The following ADAM32 variants were observed in gnomAD, a reference collection of about 807,000 sequenced individuals.
The protein encoded by ADAM32 is disintegrin and metalloproteinase domain-containing protein 32.
A neutral mutation model predicts 114.9 loss-of-function variants in ADAM32; 89 were observed. The ratio of observed to expected loss-of-function variants is 0.77; its 90% CI spans 0.65 to 0.92. The LOEUF (loss-of-function observed/expected upper bound fraction) is 0.92. Ranked by LOEUF, ADAM32 falls within the 40% of genes least tolerant of loss-of-function variation. The probability of loss-of-function intolerance (pLI) is 0.00; values close to 1 mark genes in which losing one functional copy is unlikely to be tolerated. For missense variants in ADAM32, 870 were observed against 932.8 expected (o/e 0.93, Z 0.88); for synonymous variants, 285 against 307.5 (o/e 0.93, Z 0.77).
At chr8:39,277,183 A>T (rs980929727) in intron 22 of ADAM32, among the ~76,000 whole-genome samples, 1 of 152,142 alleles carries the variant, frequency 6.6e-6, no homozygotes, top group Non-Finnish European at 1.5e-5. Flanking sequence ...AACATAATTC[A>T]TCTCTCCCAG....
chr8:39,277,914 G>C (rs1473723401), intron 22 of ADAM32, among the ~76,000 whole-genome samples: 1 of 152,238 alleles, frequency 6.6e-6, no homozygotes, highest in Admixed American at 6.5e-5. Flanking sequence ...TGAGGCGGCT[G>C]ATCTCCACCA....
At chr8:39,193,866 T>G (rs912464371) in intron 11 of ADAM32, among the ~76,000 whole-genome samples, 1 of 152,176 alleles carries the variant, frequency 6.6e-6, no homozygotes, top group African/African-American at 2.4e-5. Context: ...GGAACCTGCT[T>G]CTGTGGAGGA....
intron 2 of ADAM32, among the ~76,000 whole-genome samples, chr8:39,134,839 C>T (rs949413772): frequency 2.6e-5 from 4 of 152,006 alleles, no homozygotes; most frequent in Admixed American, 1.3e-4. Context: ...GAACTGCTTG[C>T]ACATCAAATC....
chr8:39,115,873 T>C (rs1000757635), intron 1 of ADAM32, among the ~76,000 whole-genome samples: 4 of 152,368 alleles, frequency 2.6e-5, no homozygotes, highest in Admixed American at 2.6e-4. Context: ...TTTATAGTTT[T>C]AAGTTGTACA....
At chr8:39,110,557 C>T (rs1440184725) in intron 1 of ADAM32, among the ~76,000 whole-genome samples, 2 of 152,012 alleles carry the variant, frequency 1.3e-5, no homozygotes, top group Admixed American at 1.3e-4. Flanking sequence ...GGGTAAATAC[C>T]AAGAAATGCT....
intron 16 of ADAM32, among the ~76,000 whole-genome samples, chr8:39,244,934 A>T (rs1317765252): frequency 6.6e-6 from 1 of 152,220 alleles, no homozygotes; most frequent in Admixed American, 6.5e-5. Context: ...ACTCTTCTAG[A>T]TATTGTCTTA....
intron 11 of ADAM32, among the ~76,000 whole-genome samples, chr8:39,205,228 G>C (rs1164679435): frequency 1.3e-5 from 2 of 152,228 alleles, no homozygotes; most frequent in African/African-American, 2.4e-5. Context: ...CCCAGAGGTG[G>C]AGTCTACAGA....
intron 3 of ADAM32, among the ~76,000 whole-genome samples, chr8:39,144,033 A>T (rs1429464450): frequency 6.6e-6 from 1 of 152,256 alleles, no homozygotes; most frequent in African/African-American, 2.4e-5. Flanking sequence ...TGAGGCAGAC[A>T]CAGGAGGGTA....
chr8:39,216,682 T>C (rs1414880725), intron 12 of ADAM32, among the ~76,000 whole-genome samples: 1 of 152,066 alleles, frequency 6.6e-6, no homozygotes, highest in Non-Finnish European at 1.5e-5. Context: ...TTTAAGCTGA[T>C]AGCAATTTAA....
At position 39,157,347 on chromosome 8, in the gene ADAM32, G is replaced by A. The variant is rs116468096; in HGVS notation, c.526-3550G>A. 5.2e-3 allele frequency among the ~76,000 whole-genome samples: 789 copies of A among 151,732 alleles called. 2 individuals are homozygous for A. The highest frequency in any genetic ancestry group is 0.018 in the African/African-American group (745 of 41,342). Reference sequence around the variant, plus strand: ...TTCATATATTTCATCAAACTGGGGAGGTTTTCACCCATTATTTTTCAAATT... The same window carrying A: ...TTCATATATTTCATCAAACTGGGGAAGTTTTCACCCATTATTTTTCAAATT... On this transcript the variant is annotated intron_variant, in intron 6 of 24. Transcript: ENST00000379907.
intron 11 of ADAM32, among the ~76,000 whole-genome samples, chr8:39,201,301 G>A (rs966597349): frequency 1.3e-5 from 2 of 152,134 alleles, no homozygotes; most frequent in African/African-American, 4.8e-5. Context: ...TTAGTTCGTT[G>A]AGCAGTGGTT....
intron 10 of ADAM32, among the ~76,000 whole-genome samples, chr8:39,171,182 T>C (rs953865271): frequency 5.3e-5 from 8 of 152,150 alleles, no homozygotes; most frequent in Non-Finnish European, 1.2e-4. Flanking sequence ...GTGATCTGCC[T>C]GCCTCGGTGC....
chr8:39,263,147 GTAA>G (rs1166716368), intron 19 of ADAM32, among the ~76,000 whole-genome samples: 1 of 152,136 alleles, frequency 6.6e-6, no homozygotes, highest in East Asian at 1.9e-4. Flanking sequence ...TGTTCTACAT[GTAA>G]TAATCTGTTT....
intron 1 of ADAM32, among the ~76,000 whole-genome samples, chr8:39,113,100 G>A (rs536727324): frequency 1.3e-5 from 2 of 152,320 alleles, no homozygotes; most frequent in South Asian, 4.1e-4. Context: ...AGGCTTTGCA[G>A]CTTCCTCTCT....
At chr8:39,182,563 A>T (rs568367341) in intron 10 of ADAM32, among the ~76,000 whole-genome samples, 1 of 152,290 alleles carries the variant, frequency 6.6e-6, no homozygotes, top group East Asian at 1.9e-4. Flanking sequence ...ATTTTTCAAG[A>T]ATACAATTTA....
At chr8:39,114,063 T>C (rs1840275522) in intron 1 of ADAM32, among the ~76,000 whole-genome samples, 1 of 152,220 alleles carries the variant, frequency 6.6e-6, no homozygotes, top group Non-Finnish European at 1.5e-5. Context: ...TTCAACGAGC[T>C]AGTTCATTTC....
At chr8:39,123,459 G>A (rs1801909843) in intron 2 of ADAM32, among the ~76,000 whole-genome samples, 2 of 152,014 alleles carry the variant, frequency 1.3e-5, no homozygotes. Flanking sequence ...ATTTGGTCGG[G>A]GGGCACAATT....
chr8:39,207,693 C>G (rs1807938610), intron 11 of ADAM32, among the ~76,000 whole-genome samples: 2 of 152,206 alleles, frequency 1.3e-5, no homozygotes, highest in Non-Finnish European at 1.5e-5. Context: ...TAACCAACCT[C>G]TCCCAGTCTT....
At chr8:39,126,279 T>G (rs1802110608) in intron 2 of ADAM32, among the ~76,000 whole-genome samples, 1 of 152,212 alleles carries the variant, frequency 6.6e-6, no homozygotes, top group African/African-American at 2.4e-5. Context: ...AATTACCATT[T>G]TCATGATATT....
Sources: gnomAD v4.1 joint callset for allele counts (sites outside exome capture counted in the v4.1 genomes callset) on GRCh38, gnomAD v4.1.1 for gene constraint, MANE v1.5 for transcripts, NCBI Gene and HGNC (gene_info 2026-07-23, HGNC 2026-07-21) for gene names.